The following INTS4 variants were observed in gnomAD, a reference collection of about 807,000 sequenced individuals.
INTS4 encodes integrator complex subunit 4.
A neutral mutation model predicts 119.5 loss-of-function variants in INTS4; 70 were observed. The observed-to-expected ratio is 0.59, with a 90% CI of 0.48 to 0.71. The LOEUF (loss-of-function observed/expected upper bound fraction) is 0.71, where lower values mean the gene tolerates loss of function less well. Ranked by LOEUF, INTS4 falls within the 30% of genes least tolerant of loss-of-function variation. The probability of loss-of-function intolerance (pLI) is 0.00; values close to 1 mark genes in which losing one functional copy is unlikely to be tolerated. For missense variants in INTS4, 867 were observed against 1,173.2 expected (o/e 0.74, Z 3.81); for synonymous variants, 316 against 419.6 (o/e 0.75, Z 3.02).
intron 15 of INTS4, among the ~76,000 whole-genome samples, chr11:77,916,660 T>G (rs1459212320): frequency 2.0e-5 from 3 of 152,222 alleles, no homozygotes; most frequent in Non-Finnish European, 4.4e-5. Flanking sequence ...TAATGTCTGC[T>G]GAAGTTGGAA....
rs764088544 is a variant in INTS4 at position 77,883,977 on chromosome 11, A to G, written c.2593-25T>C. On this transcript the variant is annotated intron_variant, in intron 21 of 22. Coordinates refer to ENST00000534064, the MANE Select transcript of INTS4 (RefSeq NM_033547.4). ...CCTAAAGGGTGACAGAAATGAGAAA[A>G]AGGCAGAAGCGAGAGGAGCATTTAA... 29 of 1,608,828 alleles carry G rather than the reference A, an allele frequency of 1.8e-5. No individual in the cohort carries two copies. In the Admixed American group the frequency reaches 4.9e-4, roughly 27 times the overall value.
intron 4 of INTS4, among the ~76,000 whole-genome samples, chr11:77,973,125 A>T (rs1855798849): frequency 1.3e-5 from 2 of 152,182 alleles, no homozygotes; most frequent in African/African-American, 4.8e-5. Flanking sequence ...TACAGGCAAG[A>T]GGCACCACCA....
At position 77,958,787 on chromosome 11, in the gene INTS4, T is replaced by C. The variant is rs751447139; in HGVS notation, c.756A>G (p.Ala252=). ...SDDYEQVRSA[A]VQLIWVVSQL... The stretch of plus-strand genomic sequence containing the variant: ...GACTGACGACCCAGATAAGCTGGAC[T>C]GCAGCACTGCGCACTTGTTCATAGT... Residue 252 remains alanine (A), a synonymous_variant, in exon 7 of 23, where the codon GCA becomes GCG. Transcript: ENST00000534064. 6 of 1,611,222 alleles carry C rather than the reference T, an allele frequency of 3.7e-6. No homozygotes were observed. The South Asian group carries it at 4.4e-5, about 12-fold the overall frequency.
At chr11:77,980,216 C>T (rs934143955) in intron 3 of INTS4, among the ~76,000 whole-genome samples, 1 of 151,876 alleles carries the variant, frequency 6.6e-6, no homozygotes. Context: ...AGTAGAATGC[C>T]TTCCCCCACA....
intron 14 of INTS4, 121 bp from the exon 15 acceptor site, chr11:77,919,099 T>A: frequency 4.0e-6 from 4 of 993,712 alleles, no homozygotes; most frequent in Non-Finnish European, 6.1e-6. Flanking sequence ...GAAAAAAGGC[T>A]AGGATATTCT....
intron 10 of INTS4, among the ~76,000 whole-genome samples, chr11:77,935,903 A>AAAAAAAGAAAAGAAAGGGAG: frequency 1.1e-5 from 1 of 86,996 alleles, no homozygotes; most frequent in South Asian, 3.3e-4. Context: ...CTCAAAAAAA[A>AAAAAAAGAAAAGAAAGGGAG]AAAAAAGAAA....
chr11:77,987,697 C>T (rs1185872567), intron 2 of INTS4: 8 of 444,576 alleles, frequency 1.8e-5, no homozygotes, highest in Non-Finnish European at 3.2e-5. Flanking sequence ...GAGACTCCAT[C>T]TCTACAAAAA....
chr11:77,956,289 T>C (rs765424579), intron 7 of INTS4, among the ~76,000 whole-genome samples: 1 of 152,166 alleles, frequency 6.6e-6, no homozygotes, highest in Non-Finnish European at 1.5e-5. Flanking sequence ...CATGCGCTGA[T>C]AGTCCCAGCT....
At chr11:77,912,697 T>C (rs185038680) in intron 15 of INTS4, among the ~76,000 whole-genome samples, 35 of 152,298 alleles carry the variant, frequency 2.3e-4, no homozygotes, top group African/African-American at 7.7e-4. Context: ...TGTTAGGAAA[T>C]ACAAAATAAA....
chr11:77,913,307 A>ATTT (rs565622764), intron 15 of INTS4, among the ~76,000 whole-genome samples: 48 of 122,794 alleles, frequency 3.9e-4, no homozygotes, highest in Non-Finnish European at 5.7e-4. Context: ...GTTAGTTTAA[A>ATTT]TTTTTTTTTT....
intron 8 of INTS4, among the ~76,000 whole-genome samples, chr11:77,952,097 T>C (rs1954210935): frequency 1.3e-5 from 2 of 152,312 alleles, no homozygotes; most frequent in Non-Finnish European, 2.9e-5. Flanking sequence ...AATGTGTCAA[T>C]TTTTTAAAAT....
chr11:77,907,211 T>C (rs1952977357), intron 16 of INTS4, among the ~76,000 whole-genome samples: 1 of 152,102 alleles, frequency 6.6e-6, no homozygotes, highest in African/African-American at 2.4e-5. Flanking sequence ...AGTAGCTGGA[T>C]ATACAGGAAT....
At chr11:77,960,626 G>A (rs1487661336) in intron 5 of INTS4, among the ~76,000 whole-genome samples, 2 of 152,012 alleles carry the variant, frequency 1.3e-5, no homozygotes, top group Non-Finnish European at 2.9e-5. Flanking sequence ...ATGAAATAAT[G>A]ATATGAAGCC....
chr11:77,960,874 T>A (rs1954453506), intron 5 of INTS4, 79 bp downstream of exon 5: 1 of 1,245,356 alleles, frequency 8.0e-7, no homozygotes, highest in Non-Finnish European at 1.1e-6. Flanking sequence ...ATTTACAATG[T>A]ATCCAAGGCA....
chr11:77,958,456 T>G (rs575023193), intron 7 of INTS4, among the ~76,000 whole-genome samples: 1 of 152,318 alleles, frequency 6.6e-6, no homozygotes, highest in East Asian at 1.9e-4. Flanking sequence ...GATTTTTTTG[T>G]AAAGTACTGA....
chr11:77,875,461 G>A (rs1026912687), downstream of INTS4, among the ~76,000 whole-genome samples: 2 of 152,132 alleles, frequency 1.3e-5, no homozygotes, highest in Non-Finnish European at 2.9e-5. Context: ...TGGCTGTTTT[G>A]GAAGAATGGG....
chr11:77,941,075 T>C, intron 9 of INTS4, 105 bp downstream of exon 9: 1 of 1,454,238 alleles, frequency 6.9e-7, no homozygotes, highest in East Asian at 2.4e-5. Context: ...ACAGTTATCA[T>C]GTTAATTTAA....
At chr11:77,888,704 C>T (rs1952126564) in intron 21 of INTS4, among the ~76,000 whole-genome samples, 1 of 152,040 alleles carries the variant, frequency 6.6e-6, no homozygotes, top group Admixed American at 6.6e-5. Context: ...CCAGAATCTA[C>T]AATGAACTCA....
At chr11:77,993,229 C>T (rs530333691) in intron 1 of INTS4, among the ~76,000 whole-genome samples, 2 of 152,138 alleles carry the variant, frequency 1.3e-5, no homozygotes, top group Admixed American at 6.5e-5. Flanking sequence ...ATAGGTACAC[C>T]GGTAATGACA....
Sources: gnomAD v4.1 joint callset for allele counts (sites outside exome capture counted in the v4.1 genomes callset) on GRCh38, gnomAD v4.1.1 for gene constraint, MANE v1.5 for transcripts, NCBI Gene and HGNC (gene_info 2026-07-23, HGNC 2026-07-21) for gene names.